PCNP: variants seen among roughly 807,000 people sequenced by gnomAD.
The protein encoded by PCNP is PEST proteolytic signal-containing nuclear protein.
A neutral mutation model predicts 21.8 loss-of-function variants in PCNP; 6 were observed. The observed-to-expected ratio is 0.28, with a 90% confidence interval of 0.15 to 0.54. PCNP has a LOEUF of 0.54. Among genes scored for constraint, PCNP ranks in the 20% least tolerant of loss-of-function variants. The pLI is 0.95. For synonymous variants in PCNP, 67 were observed against 73.2 expected (o/e 0.92, Z 0.43); for missense variants, 161 against 215.5 (o/e 0.75, Z 1.58).
intron 4 of PCNP, among the ~76,000 whole-genome samples, 192 bp downstream of exon 4, chr3:101,590,462 G>A (rs1006838207): frequency 6.6e-5 from 10 of 152,190 alleles, no homozygotes; most frequent in Non-Finnish European, 1.2e-4. Flanking sequence ...TCCTCATGAA[G>A]AAAGATAACT....
intron 4 of PCNP, among the ~76,000 whole-genome samples, chr3:101,592,199 A>C (rs1935849840): frequency 6.7e-6 from 1 of 149,462 alleles, no homozygotes; most frequent in South Asian, 2.1e-4. Context: ...TTTGTGACAG[A>C]GTCTTGCTCT....
intron 1 of PCNP, chr3:101,576,575 G>A (rs778629222): frequency 1.8e-5 from 29 of 1,610,932 alleles, no homozygotes; most frequent in Non-Finnish European, 2.2e-5. Context: ...CCCCAGAAGT[G>A]ACGCAGCCCT....
intron 1 of PCNP, among the ~76,000 whole-genome samples, chr3:101,577,682 G>C (rs988783127): frequency 7.2e-5 from 11 of 152,040 alleles, no homozygotes; most frequent in African/African-American, 2.7e-4. Context: ...TTGTCACCAC[G>C]CCCATCTTAA....
rs1457888780 is a variant in PCNP at position 101,574,199 on chromosome 3, A to G, written c.-17A>G. 3.6e-5 allele frequency: 55 copies of G among 1,548,814 alleles called. No individual in the cohort carries two copies. In the East Asian group the frequency reaches 1.4e-3, roughly 38 times the overall value. On this transcript the variant is annotated 5_prime_UTR_variant, in exon 1 of 5. Transcript: ENST00000265260. ...GACGTCCTTGGCGTGGCTGCAGGGG[A>G]GGCCGCGGCGGGGAAAATGGCGGAC...
rs930394173 is a variant in PCNP, at chr3:101,593,581, A to T, written c.*828A>T. ...ACCACCACCAAAAATTTAAATGTACATATTGCTTAAGTATTTGGCTGTTTT... is the reference window on the plus strand; with the variant it reads ...ACCACCACCAAAAATTTAAATGTACTTATTGCTTAAGTATTTGGCTGTTTT... On this transcript the variant is annotated 3_prime_UTR_variant, in exon 5 of 5. Coordinates refer to ENST00000265260, the MANE Select transcript of PCNP (RefSeq NM_020357.3). 6.5e-6 allele frequency: 1 copy of T among 152,718 alleles called. No individual in the cohort carries two copies. The highest frequency in any genetic ancestry group is 1.9e-4 in the East Asian group (1 of 5,188). 9.5% of individuals were successfully genotyped at this position (152,718 alleles called of 1,614,324 possible). A position where few individuals can be genotyped will look rare whatever the true frequency, so the allele number is the denominator to read the frequency against.
chr3:101,583,401 C>T (rs1243750933), intron 2 of PCNP, among the ~76,000 whole-genome samples: 5 of 152,100 alleles, frequency 3.3e-5, no homozygotes, highest in Non-Finnish European at 7.4e-5. Flanking sequence ...TTGTAGTGAG[C>T]TGAGATCGTG....
In PCNP at chr3:101,579,910, C is replaced by T; in HGVS notation, c.185C>T (p.Pro62Leu). 6.2e-7 allele frequency: 1 copy of T among 1,614,012 alleles called. No individual in the cohort carries two copies. The highest frequency in any genetic ancestry group is 1.1e-5 in the South Asian group (1 of 91,090). Residue 62 changes from proline to leucine, a missense_variant, in exon 2 of 5, where the codon CCA becomes CTA. Physicochemically the swap from Pro to Leu is moderately conservative, Grantham distance 98. Transcript: ENST00000265260. The part of the protein sequence containing the change: ...RSAEEEAADL[P>L]TKPTKISKFG... ...GCTGAAGAAGAAGCTGCCGACCTCC[C>T]AACAAAGCCTACAAAGATCTCCAAG...
rs189451869 is a variant in PCNP, at chr3:101,592,543, A to G, written c.411-84A>G. On this transcript the variant is annotated intron_variant, in intron 4 of 4. Coordinates refer to ENST00000265260, the MANE Select transcript of PCNP (RefSeq NM_020357.3). Reference sequence around the variant, plus strand: ...AGTCTGTGTTTATAATAGGTGCTAAACAAACATGTATTGAATGAATCAAAA... The same window carrying G: ...AGTCTGTGTTTATAATAGGTGCTAAGCAAACATGTATTGAATGAATCAAAA... 1.2e-4 allele frequency: 135 copies of G among 1,129,844 alleles called. 1 individual carries two copies. In the Middle Eastern group the frequency reaches 6.2e-3, roughly 52 times the overall value. The allele number at this position is 1,129,844 out of a possible 1,614,324, so 70.0% of individuals were successfully genotyped here.
chr3:101,576,530 C>T, intron 1 of PCNP: 1 of 1,610,770 alleles, frequency 6.2e-7, no homozygotes. Context: ...CCACGGCGGC[C>T]AGTGGTCTTG....
intron 2 of PCNP, among the ~76,000 whole-genome samples, chr3:101,581,272 T>C (rs1935206616): frequency 6.6e-6 from 1 of 152,166 alleles, no homozygotes; most frequent in Non-Finnish European, 1.5e-5. Flanking sequence ...CCTAACTGCA[T>C]AAATATTTAA....
At chr3:101,591,781 T>G (rs1030524327) in intron 4 of PCNP, among the ~76,000 whole-genome samples, 1 of 148,580 alleles carries the variant, frequency 6.7e-6, no homozygotes, top group African/African-American at 2.5e-5. Flanking sequence ...TTTTTTTTTT[T>G]TTTTTTTTAA....
At position 101,592,871 on chromosome 3, in the gene PCNP, TAA is replaced by T. The variant is rs1160507245; in HGVS notation, c.*121_*122del. On this transcript the variant is annotated 3_prime_UTR_variant, in exon 5 of 5. Transcript: ENST00000265260. ...GCTTTTTTTTTCTTTTTCATTTTTT[TAA>T]AAGATTGAGTGGTACACTAATAAAT... 14 of 837,810 alleles carry T rather than the reference TAA, an allele frequency of 1.7e-5. 1 individual carries two copies. The highest frequency in any genetic ancestry group is 2.3e-5 in the Non-Finnish European group (13 of 573,662). 51.9% of individuals were successfully genotyped at this position (837,810 alleles called of 1,614,324 possible).
At chr3:101,574,333 G>A in intron 1 of PCNP, 54 bp downstream of exon 1, 1 of 1,483,646 alleles carries the variant, frequency 6.7e-7, no homozygotes, top group Non-Finnish European at 9.1e-7. Flanking sequence ...GCCTTTCTTT[G>A]AGCTCCCAGG....
Position 101,576,855 on chromosome 3 carries a change from A to C in PCNP, c.64+2576A>C, listed in dbSNP as rs1212118056. 5.5e-5 allele frequency: 88 copies of C among 1,607,702 alleles called. No homozygotes were observed. The Middle Eastern group carries it at 1.0e-3, about 19-fold the overall frequency. On this transcript the variant is annotated intron_variant, in intron 1 of 4. Transcript: ENST00000265260. ...ATCTTCGGCCCACACCCTTAATGGC[A>C]GTGATGGCAAAGGCTATTTTCCGCT...
intron 1 of PCNP, among the ~76,000 whole-genome samples, chr3:101,577,781 C>T (rs577156438): frequency 7.2e-5 from 11 of 152,280 alleles, no homozygotes; most frequent in African/African-American, 2.4e-4. Context: ...GCCTTGGCCT[C>T]CCAAAGTGCT....
At chr3:101,587,028 C>T (rs902405637) in intron 3 of PCNP, among the ~76,000 whole-genome samples, 3 of 151,910 alleles carry the variant, frequency 2.0e-5, no homozygotes, top group Non-Finnish European at 2.9e-5. Flanking sequence ...CCGAGGCGGG[C>T]GGATCACCTG....
At position 101,585,522 on chromosome 3, in the gene PCNP, A is replaced by G. The variant is rs752550041; in HGVS notation, c.354+11A>G. ...AATGAAGATGAAGATGTAAGTTGAT[A>G]TCGAGTTTTGTTTTTTTACTTTAAC... On this transcript the variant is annotated intron_variant, in intron 3 of 4. Transcript: ENST00000265260. 6.3e-7 allele frequency: 1 copy of G among 1,584,902 alleles called. No individual in the cohort carries two copies. The highest frequency in any genetic ancestry group is 1.1e-5 in the South Asian group (1 of 88,074).
chr3:101,590,984 GC>G (rs1287463947), intron 4 of PCNP, among the ~76,000 whole-genome samples: 1 of 151,572 alleles, frequency 6.6e-6, no homozygotes, highest in Non-Finnish European at 1.5e-5. Context: ...TTGCTGTGTT[GC>G]CCAGGCTGGT....
chr3:101,591,986 G>A (rs537914147), intron 4 of PCNP, among the ~76,000 whole-genome samples: 1 of 151,962 alleles, frequency 6.6e-6, no homozygotes, highest in Admixed American at 6.6e-5. Flanking sequence ...TGCTCTGGCT[G>A]GGAGGCAACA....
Sources: allele counts gnomAD v4.1 joint callset (sites outside exome capture counted in the v4.1 genomes callset), GRCh38; gene constraint gnomAD v4.1.1; transcripts MANE v1.5; gene names NCBI Gene and HGNC (gene_info 2026-07-23, HGNC 2026-07-21).